The following KDM5C variants were observed in gnomAD, a reference collection of about 807,000 sequenced individuals.
KDM5C encodes lysine demethylase 5C, also known as lysine-specific demethylase 5C.
Under a neutral mutation model 110.6 loss-of-function variants are expected in KDM5C, and 16 were observed. That is an observed-to-expected ratio of 0.14 (90% CI 0.10 to 0.22). The LOEUF is 0.22. KDM5C is among the 10% of genes least tolerant of loss of function. KDM5C has a pLI of 1.00. For synonymous variants in KDM5C, 511 were observed against 520.4 expected (o/e 0.98, Z 0.24); for missense variants, 681 against 1,300.9 (o/e 0.52, Z 7.33).
In KDM5C at chrX:53,192,676, C is replaced by T; in HGVS notation, c.*291G>A. On this transcript the variant is annotated 3_prime_UTR_variant, in exon 26 of 26. Coordinates refer to ENST00000375401, the MANE Select transcript of KDM5C (RefSeq NM_004187.5). ...CTCTGGAATGGTGATGGCCCAGCCC[C>T]AGCCACCCCCCTGCCCACCAGCCCA... The T allele has an allele frequency of 9.1e-7, 1 of 1,104,006 alleles. No individual in the cohort carries two copies. The highest frequency in any genetic ancestry group is 1.2e-6 in the Non-Finnish European group (1 of 818,280). The allele number at this position is 1,104,006 out of a possible 1,213,427, so 91.0% of individuals were successfully genotyped here. A position where few individuals can be genotyped will look rare whatever the true frequency, so the allele number is the denominator to read the frequency against.
At chrX:53,179,772 CCGA>C (rs1300007725) in intron 25 of KDM5C, among the ~76,000 whole-genome samples, 1 of 111,916 alleles carries the variant, frequency 8.9e-6, no homozygotes, top group Non-Finnish European at 1.9e-5. Flanking sequence ...ATCCAGGACA[CCGA>C]CAATACCAAA....
At chrX:53,187,588 G>A (rs1556828507), downstream of KDM5C, among the ~76,000 whole-genome samples, 2 of 110,238 alleles carry the variant, frequency 1.8e-5, no homozygotes, top group Non-Finnish European at 3.8e-5. Context: ...GGGTGTGTTG[G>A]GGACAGATAA....
chrX:53,224,942 A>T lies in KDM5C; in HGVS notation c.-53T>A, dbSNP rs1405977013. ...CGGGAGGCTTGGACCGCCCTTAAGGACTCATGGCGCCGCCGCTGTTTGAAG... is the reference window on the plus strand; with the variant it reads ...CGGGAGGCTTGGACCGCCCTTAAGGTCTCATGGCGCCGCCGCTGTTTGAAG... On this transcript the variant is annotated 5_prime_UTR_variant, in exon 1 of 26. Transcript: ENST00000375401. 3.7e-5 allele frequency: 42 copies of T among 1,132,615 alleles called. No homozygotes were observed. Among genetic ancestry groups the T allele is most frequent in the Non-Finnish European group, 4.8e-5 (41 of 851,187 alleles). 93.3% of individuals were successfully genotyped at this position (1,132,615 alleles called of 1,213,427 possible).
intron 1 of KDM5C, chrX:53,221,610 TTC>T (rs1373344135): frequency 2.0e-6 from 1 of 510,479 alleles, no homozygotes; most frequent in East Asian, 9.0e-5. Context: ...TTAATGTTTG[TTC>T]TCTCAGTTTA....
chrX:53,178,080 C>G (rs1933930113), intron 25 of KDM5C, among the ~76,000 whole-genome samples: 1 of 111,691 alleles, frequency 9.0e-6, no homozygotes, highest in African/African-American at 3.3e-5. Context: ...CTGGCTTGAA[C>G]TCCTGGGCTC....
At chrX:53,182,458 C>A (rs1328545823) in intron 25 of KDM5C, among the ~76,000 whole-genome samples, 1 of 110,553 alleles carries the variant, frequency 9.0e-6, no homozygotes, top group Admixed American at 9.6e-5. Flanking sequence ...GCTGCCACCT[C>A]CCAGGTTCAA....
chrX:53,183,967 A>G (rs1556827238), intron 25 of KDM5C, among the ~76,000 whole-genome samples: 1 of 112,068 alleles, frequency 8.9e-6, no homozygotes, highest in East Asian at 2.8e-4. Flanking sequence ...TCTTATCAGT[A>G]TTAAGTCTTC....
chrX:53,197,524 C>T (rs797027809), intron 18 of KDM5C: 1 of 399,569 alleles, frequency 2.5e-6, no homozygotes, highest in Non-Finnish European at 4.4e-6. Context: ...TTCTCCTCTA[C>T]CCCTCCTCCA....
chrX:53,219,148 T>G (rs1556853554), intron 2 of KDM5C, among the ~76,000 whole-genome samples: 1 of 112,526 alleles, frequency 8.9e-6, no homozygotes, highest in Non-Finnish European at 1.9e-5. Context: ...GCAAATCAGT[T>G]CCACTGTGGA....
chrX:53,198,726 C>T (rs1556839843), intron 16 of KDM5C, 38 bp downstream of exon 16: 1 of 1,211,942 alleles, frequency 8.3e-7, no homozygotes, highest in South Asian at 1.8e-5. Context: ...GGGAATAGAA[C>T]TTGCCTGTGG....
chrX:53,208,388 T>C (rs1309821512), intron 12 of KDM5C, among the ~76,000 whole-genome samples: 1 of 89,939 alleles, frequency 1.1e-5, no homozygotes, highest in African/African-American at 4.4e-5. Flanking sequence ...ACCTTCTGCA[T>C]ATGTATATAT....
chrX:53,192,845 G>C lies in KDM5C; in HGVS notation c.*122C>G. On this transcript the variant is annotated 3_prime_UTR_variant, in exon 26 of 26. Transcript: ENST00000375401. ...AAGTCAAGGGACTCAGGGGTGGGCG[G>C]GTAGCAGGGATGGCCACCCCCCTAC... is the stretch of plus-strand genomic sequence containing the variant. 3.0e-6 allele frequency: 3 copies of C among 1,002,104 alleles called. 1 individual carries two copies. Among genetic ancestry groups the C allele is most frequent in the East Asian group, 3.7e-5 (1 of 27,007 alleles). 82.6% of individuals were successfully genotyped at this position (1,002,104 alleles called of 1,213,427 possible).
chrX:53,192,861 A>AGCCCC lies in KDM5C; in HGVS notation c.*105_*106insGGGGC. The AGCCCC allele has an allele frequency of 2.0e-6, 1 of 502,015 alleles. No individual in the cohort carries two copies. The highest frequency in any genetic ancestry group is 2.9e-6 in the Non-Finnish European group (1 of 347,657). 41.4% of individuals were successfully genotyped at this position (502,015 alleles called of 1,213,427 possible). ...GGGTGGGCGGGTAGCAGGGATGGCC[A>AGCCCC]CCCCCCTACCCGCCCACCCCCCAAG... On this transcript the variant is annotated 3_prime_UTR_variant, in exon 26 of 26. Transcript: ENST00000375401.
In KDM5C at chrX:53,217,884, G is replaced by A; in HGVS notation, c.434C>T (p.Pro145Leu). ...TAGCAAGGAGCCAATATTTTTGCCT[G>A]GTGGATAGTTGAGGCGCTGGGCTAC... is the stretch of plus-strand genomic sequence containing the variant. ...ARVAQRLNYP[P>L]GKNIGSLLRS... Residue 145 changes from proline to leucine, a missense_variant, in exon 4 of 26, where the codon CCA (proline) becomes CTA (leucine). Around this residue, in one of 14 missense-constraint regions of KDM5C, gnomAD observed 55 missense variants for 118.0 expected, o/e 0.47. Coordinates refer to ENST00000375401, the MANE Select transcript of KDM5C (RefSeq NM_004187.5). The A allele has an allele frequency of 8.3e-7, 1 of 1,211,101 alleles. No individual in the cohort carries two copies. The highest frequency in any genetic ancestry group is 3.0e-5 in the East Asian group (1 of 33,849).
rs781995413 is a variant in KDM5C, at chrX:53,201,756, T to C, written c.1867-12A>G. The C allele has an allele frequency of 6.6e-6, 8 of 1,211,371 alleles. No individual in the cohort carries two copies. Among genetic ancestry groups the C allele is most frequent in the Non-Finnish European group, 7.8e-6 (7 of 895,295 alleles). On this transcript the variant is annotated splice_polypyrimidine_tract_variant and intron_variant, in intron 13 of 25. Transcript: ENST00000375401. The stretch of plus-strand genomic sequence containing the variant: ...CGCCCAGCAGGCAACTGTGGGCAGG[T>C]TCAAGGTTGAGTGTGGCCAAGTCTG...
chrX:53,208,686 T>A (rs1569272218), intron 12 of KDM5C, among the ~76,000 whole-genome samples: 1 of 105,590 alleles, frequency 9.5e-6, no homozygotes, highest in South Asian at 4.3e-4. Context: ...TGTATTTTTA[T>A]TAGAGACGAG....
chrX:53,189,589 C>T (rs928016989), downstream of KDM5C, among the ~76,000 whole-genome samples: 7 of 112,471 alleles, frequency 6.2e-5, no homozygotes, highest in Admixed American at 2.8e-4. Flanking sequence ...GTGTCTGCCC[C>T]TTCAAGGACC....
chrX:53,208,416 C>CATATAT (rs66504974), intron 12 of KDM5C, among the ~76,000 whole-genome samples: 2 of 85,359 alleles, frequency 2.3e-5, no homozygotes, highest in African/African-American at 4.2e-5. Context: ...TATACACATA[C>CATATAT]ATATATATAT....
In KDM5C at chrX:53,193,608, T is replaced by C; in HGVS notation, c.4146A>G (p.Pro1382=). 8.3e-7 allele frequency: 1 copy of C among 1,211,872 alleles called. No homozygotes were observed. The highest frequency in any genetic ancestry group is 1.8e-5 in the South Asian group (1 of 56,998). ...RDLELLSSLL[P]QLTGPVLELP... ...GTTCCAACACAGGGCCAGTCAACTG[T>C]GGCAACAGCGAGGACAGCAGCTCCA... is the stretch of plus-strand genomic sequence containing the variant. Residue 1382 remains proline (P), a synonymous_variant, in exon 25 of 26, where the codon CCA becomes CCG. Coordinates refer to ENST00000375401, the MANE Select transcript of KDM5C (RefSeq NM_004187.5).
Sources: gnomAD v4.1 joint callset for allele counts (sites outside exome capture counted in the v4.1 genomes callset) on GRCh38, gnomAD v4.1.1 for gene constraint, gnomAD v4.1.1 regional missense constraint, MANE v1.5 for transcripts, NCBI Gene and HGNC (gene_info 2026-07-23, HGNC 2026-07-21) for gene names.